The following F11R variants were observed in gnomAD, a reference collection of about 807,000 sequenced individuals.
F11R encodes F11 receptor, also known as junctional adhesion molecule A.
F11R carries 27 observed loss-of-function variants against 39.3 expected under a neutral mutation model. The ratio of observed to expected loss-of-function variants is 0.69; its 90% CI spans 0.51 to 0.95. F11R has a LOEUF of 0.95. Among genes scored for constraint, F11R ranks in the 40% least tolerant of loss-of-function variants. The pLI, the probability that F11R is intolerant of heterozygous loss-of-function variation, is 0.00. For synonymous variants in F11R, 131 were observed against 144.9 expected (o/e 0.90, Z 0.69); for missense variants, 335 against 372.7 (o/e 0.90, Z 0.83).
chr1:160,999,905 A>G lies in F11R; in HGVS notation c.665T>C (p.Met222Thr). The G allele has an allele frequency of 6.2e-7, 1 of 1,614,208 alleles. No individual in the cohort carries two copies. The highest frequency in any genetic ancestry group is 1.1e-5 in the South Asian group (1 of 91,084). Residue 222 changes from methionine (M) to threonine (T), a missense_variant, in exon 6 of 10, where the codon ATG becomes ACG. By Grantham distance (81) the Met-to-Thr change is moderately conservative. Coordinates refer to ENST00000368026, the MANE Select transcript of F11R (RefSeq NM_016946.6). ...TTCCATGCGCACAGCATTTGAAGTC[A>G]TGGGTGTCCCATACCCATTCCGTGC... ...CEARNGYGTP[M>T]TSNAVRMEAV...
At chr1:161,000,915 C>T in intron 3 of F11R, 105 bp downstream of exon 3, 3 of 1,477,158 alleles carry the variant, frequency 2.0e-6, no homozygotes, top group South Asian at 1.2e-5. Flanking sequence ...GGACTTCAGC[C>T]CCAGGGTGTG....
intron 1 of F11R, among the ~76,000 whole-genome samples, chr1:161,014,694 C>A (rs981728087): frequency 2.0e-5 from 3 of 151,506 alleles, no homozygotes; most frequent in African/African-American, 7.3e-5. Flanking sequence ...AATCCCAGCA[C>A]TTTGGGAGGC....
chr1:161,001,321 A>G lies in F11R; in HGVS notation c.97T>C (p.Ser33Pro), dbSNP rs770334375. The G allele has an allele frequency of 1.2e-6, 2 of 1,614,028 alleles. No homozygotes were observed. The highest frequency in any genetic ancestry group is 1.7e-6 in the Non-Finnish European group (2 of 1,180,040). The part of the protein sequence containing the change: ...SLALGSVTVH[S>P]SEPEVRIPEN... ...GGAATTCTGACTTCAGGTTCAGAAGAGTGCACTGTAACACTGCCCAATGCC... is the reference window on the plus strand; with the variant it reads ...GGAATTCTGACTTCAGGTTCAGAAGGGTGCACTGTAACACTGCCCAATGCC... Residue 33 changes from serine (S) to proline (P), a missense_variant, in exon 2 of 10, where the codon TCT becomes CCT. Transcript: ENST00000368026.
intron 1 of F11R, among the ~76,000 whole-genome samples, chr1:161,005,932 A>C (rs1050730299): frequency 1.3e-5 from 2 of 152,026 alleles, no homozygotes; most frequent in Non-Finnish European, 2.9e-5. Flanking sequence ...TGAGGTCAGG[A>C]GTTTGAAACC....
intron 1 of F11R, among the ~76,000 whole-genome samples, chr1:161,015,724 G>A (rs1487367805): frequency 1.3e-5 from 2 of 151,652 alleles, no homozygotes; most frequent in Non-Finnish European, 2.9e-5. Context: ...TAAGCAAGAT[G>A]TAGAATATAT....
intron 1 of F11R, among the ~76,000 whole-genome samples, chr1:161,008,787 A>ATAC (rs1169656780): frequency 1.3e-5 from 2 of 152,226 alleles, no homozygotes; most frequent in Non-Finnish European, 2.9e-5. Context: ...ATGCTACACT[A>ATAC]TACTATACAG....
chr1:161,014,811 T>C (rs1649357216), intron 1 of F11R, among the ~76,000 whole-genome samples: 1 of 151,608 alleles, frequency 6.6e-6, no homozygotes. Flanking sequence ...AGCTCACACC[T>C]GTAATCCCAG....
Position 161,020,998 on chromosome 1 carries a change from CTG to C in F11R, c.64+10_64+11del. 1.9e-6 allele frequency: 3 copies of C among 1,613,778 alleles called. No individual in the cohort carries two copies. In the East Asian group the frequency reaches 6.7e-5, roughly 36 times the overall value. ...CGACCAACCGATTCCTCCCGAAACT[CTG>C]GGAACTTACACAACAGGATCGCCAA... On this transcript the variant is annotated intron_variant, in intron 1 of 9. Coordinates refer to ENST00000368026, the MANE Select transcript of F11R (RefSeq NM_016946.6).
In F11R at chr1:161,000,774, G is replaced by A. The variant is rs1172647566; in HGVS notation, c.245C>T (p.Ser82Phe). ...LVCYNNKITA[S>F]YEDRVTFLPT... ...CAAGAAGGTCACCCGGTCCTCATAG[G>A]AAGCTACCACAAGAGGAGGCAAGAG... The change falls in exon 4 of 10, where the codon TCC becomes TTC. Residue 82 changes from serine to phenylalanine, a missense_variant. Ser to Phe is a radical substitution (Grantham distance 155). Transcript: ENST00000368026. 4 of 1,614,058 alleles carry A rather than the reference G, an allele frequency of 2.5e-6. No homozygotes were observed. The highest frequency in any genetic ancestry group is 2.2e-5 in the South Asian group (2 of 91,088).
At chr1:161,013,501 T>A (rs902583767) in intron 1 of F11R, among the ~76,000 whole-genome samples, 1 of 152,170 alleles carries the variant, frequency 6.6e-6, no homozygotes, top group African/African-American at 2.4e-5. Flanking sequence ...CCACTCACCC[T>A]GTAGAGATTG....
Position 160,998,463 on chromosome 1 carries a change from TACACAAGGAAAGAG to T in F11R, c.*394_*407del, listed in dbSNP as rs1218592566. 3 of 295,426 alleles carry T rather than the reference TACACAAGGAAAGAG, an allele frequency of 1.0e-5. No homozygotes were observed. Among genetic ancestry groups the T allele is most frequent in the Non-Finnish European group, 1.9e-5 (3 of 157,008 alleles). 18.3% of individuals were successfully genotyped at this position (295,426 alleles called of 1,614,324 possible). ...TAGAACAGCTGGCCCTGGTCGTCAG[TACACAAGGAAAGAG>T]CCCAGAACCAAGCTCAAGATACCTA... On this transcript the variant is annotated 3_prime_UTR_variant, in exon 10 of 10. Transcript: ENST00000368026.
Position 161,001,306 on chromosome 1 carries a change from C to G in F11R, c.112G>C (p.Val38Leu), listed in dbSNP as rs1324250530. ...SVTVHSSEPE[V>L]RIPENNPVKL... ...TCACGATTATTCTCAGGAATTCTGA[C>G]TTCAGGTTCAGAAGAGTGCACTGTA... The change falls in exon 2 of 10, where the codon GTC becomes CTC. Residue 38 changes from valine to leucine, a missense_variant. By Grantham distance (32) the Val-to-Leu change is conservative (BLOSUM62 1). Transcript: ENST00000368026. The G allele has an allele frequency of 6.2e-7, 1 of 1,614,006 alleles. No homozygotes were observed. The highest frequency in any genetic ancestry group is 1.3e-5 in the African/African-American group (1 of 74,918).
rs370457243 is a variant in F11R at position 160,998,949 on chromosome 1, T to C, written c.865-43A>G. The C allele has an allele frequency of 4.3e-6, 7 of 1,613,902 alleles. No individual in the cohort carries two copies. The African/African-American group carries it at 6.7e-5, about 15-fold the overall frequency. ...CCAGTCAACTCTCAATAGTCTTCTTTAGCTGATAATCCCCAAAACACATAA... is the reference window on the plus strand; with the variant it reads ...CCAGTCAACTCTCAATAGTCTTCTTCAGCTGATAATCCCCAAAACACATAA... On this transcript the variant is annotated intron_variant, in intron 9 of 9. Transcript: ENST00000368026.
At chr1:161,009,633 G>C (rs1282564543) in intron 1 of F11R, among the ~76,000 whole-genome samples, 5 of 152,122 alleles carry the variant, frequency 3.3e-5, no homozygotes, top group African/African-American at 1.2e-4. Flanking sequence ...CCTCCCCCAT[G>C]CTCTACTTAC....
chr1:161,017,092 A>G (rs540725524), intron 1 of F11R, among the ~76,000 whole-genome samples: 161 of 152,104 alleles, frequency 1.1e-3, no homozygotes, highest in African/African-American at 3.7e-3. Context: ...AGTCATCACC[A>G]CTCCCTAATC....
intron 1 of F11R, among the ~76,000 whole-genome samples, chr1:161,012,302 G>C (rs1350619107): frequency 6.6e-6 from 1 of 152,152 alleles, no homozygotes; most frequent in African/African-American, 2.4e-5. Context: ...TAGATATCCT[G>C]TTAATTATTA....
At chr1:161,009,113 G>C (rs1339562665) in intron 1 of F11R, among the ~76,000 whole-genome samples, 1 of 152,068 alleles carries the variant, frequency 6.6e-6, no homozygotes, top group African/African-American at 2.4e-5. Context: ...TGCTATTTCT[G>C]CTATGTAGAA....
Position 160,999,282 on chromosome 1 carries a change from C to T in F11R, c.815+114G>A, listed in dbSNP as rs1412943458. The T allele has an allele frequency of 2.0e-6, 3 of 1,499,036 alleles. No homozygotes were observed. In the East Asian group the frequency reaches 6.8e-5, roughly 34 times the overall value. 92.9% of individuals were successfully genotyped at this position (1,499,036 alleles called of 1,614,324 possible). On this transcript the variant is annotated intron_variant, in intron 8 of 9. Transcript: ENST00000368026. ...AAGGGCTGGATATCCAAATGCCTTC[C>T]CTCCAAACTGGTTGCTTCTGCCTTC...
intron 1 of F11R, among the ~76,000 whole-genome samples, chr1:161,003,552 G>A (rs528392714): frequency 6.6e-5 from 10 of 151,674 alleles, no homozygotes; most frequent in South Asian, 4.2e-4. Flanking sequence ...CGTGAGCCAC[G>A]GCGACCGGCC....
Sources: gnomAD v4.1 joint callset for allele counts (sites outside exome capture counted in the v4.1 genomes callset) on GRCh38, gnomAD v4.1.1 for gene constraint, MANE v1.5 for transcripts, NCBI Gene and HGNC (gene_info 2026-07-23, HGNC 2026-07-21) for gene names.